Variants in CFDP1 observed in about 807,000 individuals in gnomAD.
CFDP1 encodes chromatin remodeling protein CFDP1.
A neutral mutation model predicts 40.1 loss-of-function variants in CFDP1; 31 were observed. That is an observed-to-expected ratio of 0.77 (90% CI 0.58 to 1.04). The LOEUF is 1.04. CFDP1 is among the 50% of genes least tolerant of loss of function. The pLI is 0.00. For missense variants in CFDP1, 423 were observed against 343.4 expected (o/e 1.23, Z -1.83); for synonymous variants, 167 against 120.0 (o/e 1.39, Z -2.56).
At chr16:75,353,479 G>A (rs185091997) in intron 5 of CFDP1, among the ~76,000 whole-genome samples, 2 of 152,082 alleles carry the variant, frequency 1.3e-5, no homozygotes, top group African/African-American at 2.4e-5. Context: ...AGTCATTAAT[G>A]AGGCTGGGGG....
intron 5 of CFDP1, among the ~76,000 whole-genome samples, chr16:75,315,331 CAAAAAAAAAAAA>C (rs758174791): frequency 1.6e-3 from 78 of 47,808 alleles, no homozygotes; most frequent in African/African-American, 6.1e-3. Context: ...GACCCTATCT[CAAAAAAAAAAAA>C]AAAAAAAAAA....
chr16:75,410,371 G>A (rs887761819), intron 4 of CFDP1, among the ~76,000 whole-genome samples: 1 of 152,100 alleles, frequency 6.6e-6, no homozygotes, highest in African/African-American at 2.4e-5. Context: ...CAGGGATGTG[G>A]CTCTTACCTA....
At chr16:75,318,694 G>A (rs952061488) in intron 5 of CFDP1, among the ~76,000 whole-genome samples, 3 of 151,922 alleles carry the variant, frequency 2.0e-5, no homozygotes, top group African/African-American at 4.8e-5. Context: ...GTGAGCCACT[G>A]CGCCCGGCCG....
intron 6 of CFDP1, among the ~76,000 whole-genome samples, chr16:75,303,404 T>TAAATAA (rs1567639342): frequency 0.014 from 583 of 41,468 alleles, 4 homozygotes; most frequent in African/African-American, 0.027. Flanking sequence ...TAAATAAATG[T>TAAATAA]ATGTATGTAT....
At chr16:75,346,544 C>CT (rs1479049123) in intron 5 of CFDP1, among the ~76,000 whole-genome samples, 1 of 132,150 alleles carries the variant, frequency 7.6e-6, no homozygotes, top group Non-Finnish European at 1.5e-5. Flanking sequence ...GATCATGCCA[C>CT]TGCACTCCAG....
chr16:75,385,833 T>G (rs1043348041), intron 5 of CFDP1, among the ~76,000 whole-genome samples: 1 of 152,202 alleles, frequency 6.6e-6, no homozygotes, highest in African/African-American at 2.4e-5. Flanking sequence ...CATAATCATC[T>G]TCTTAAATGA....
intron 5 of CFDP1, among the ~76,000 whole-genome samples, chr16:75,356,522 AAC>A (rs1025182868): frequency 1.8e-4 from 28 of 152,220 alleles, no homozygotes; most frequent in African/African-American, 5.8e-4. Context: ...TCACTTAAAA[AAC>A]ACAGAGTAGA....
intron 4 of CFDP1, among the ~76,000 whole-genome samples, chr16:75,403,540 G>A (rs2079073239): frequency 6.6e-6 from 1 of 152,128 alleles, no homozygotes; most frequent in Admixed American, 6.6e-5. Context: ...TACAGCAACA[G>A]TTATTTACCA....
chr16:75,386,248 T>C (rs2078896965), intron 5 of CFDP1, among the ~76,000 whole-genome samples: 1 of 152,232 alleles, frequency 6.6e-6, no homozygotes, highest in Non-Finnish European at 1.5e-5. Context: ...AAGGCTGCTA[T>C]GTGTAAATAA....
Position 75,379,344 on chromosome 16 carries a change from A to AAAG in CFDP1, c.650+15745_650+15746insCTT, listed in dbSNP as rs150284594. ...GTCTAGCAAGACTGACCAAAAAAAA[A>AAAG]AGAGAGAGAGAGAGAAGGCACAAAT... is the stretch of plus-strand genomic sequence containing the variant. On this transcript the variant is annotated intron_variant, in intron 5 of 6. Coordinates refer to ENST00000283882, the MANE Select transcript of CFDP1 (RefSeq NM_006324.3). Among the ~76,000 whole-genome samples the AAAG allele has an allele frequency of 1.7e-4, 25 of 149,220 alleles. No individual in the cohort carries two copies. The East Asian group carries it at 2.5e-3, about 15-fold the overall frequency.
At chr16:75,368,687 TC>T (rs1209077060) in intron 5 of CFDP1, among the ~76,000 whole-genome samples, 1 of 151,868 alleles carries the variant, frequency 6.6e-6, no homozygotes, top group Non-Finnish European at 1.5e-5. Context: ...ATATTTTCTT[TC>T]TTTTTTTTTT....
At chr16:75,295,906 C>T (rs909098729) in intron 6 of CFDP1, among the ~76,000 whole-genome samples, 7 of 152,128 alleles carry the variant, frequency 4.6e-5, no homozygotes, top group African/African-American at 1.7e-4. Flanking sequence ...ACTAAGAGAC[C>T]CGTGATTCTT....
At chr16:75,304,148 A>T (rs971352138) in intron 6 of CFDP1, among the ~76,000 whole-genome samples, 1 of 151,984 alleles carries the variant, frequency 6.6e-6, no homozygotes, top group Non-Finnish European at 1.5e-5. Context: ...GGCTCACTGC[A>T]ACCTCCACCT....
rs896949078 is a variant in CFDP1 at position 75,337,087 on chromosome 16, G to T, written c.651-31905C>A. Among the ~76,000 whole-genome samples, 45 of 152,190 alleles carry T rather than the reference G, an allele frequency of 3.0e-4. 1 individual carries two copies. The highest frequency in any genetic ancestry group is 2.5e-3 in the Admixed American group (38 of 15,282). On this transcript the variant is annotated intron_variant, in intron 5 of 6. Transcript: ENST00000283882. Reference sequence around the variant, plus strand: ...TGCACAAGTTTTTAAAAAAAATTATGAATGTATCATTGTTCTAAGCCTTTG... The same window carrying T: ...TGCACAAGTTTTTAAAAAAAATTATTAATGTATCATTGTTCTAAGCCTTTG...
intron 1 of CFDP1, among the ~76,000 whole-genome samples, chr16:75,425,156 T>C (rs373424778): frequency 6.6e-6 from 1 of 152,270 alleles, no homozygotes; most frequent in South Asian, 2.1e-4. Context: ...CAAAACGGTC[T>C]ACAGATTCAA....
At chr16:75,378,537 A>G (rs928049119) in intron 5 of CFDP1, among the ~76,000 whole-genome samples, 7 of 152,212 alleles carry the variant, frequency 4.6e-5, no homozygotes, top group African/African-American at 7.2e-5. Context: ...TTAATCAAAT[A>G]CTATAAATTA....
intron 5 of CFDP1, among the ~76,000 whole-genome samples, chr16:75,322,750 G>GA (rs530602480): frequency 1.0e-3 from 150 of 149,834 alleles, no homozygotes; most frequent in African/African-American, 3.6e-3. Context: ...CCACTAAGTA[G>GA]AATACAAATA....
intron 1 of CFDP1, among the ~76,000 whole-genome samples, chr16:75,428,114 A>G (rs1188205398): frequency 2.0e-5 from 3 of 148,952 alleles, no homozygotes; most frequent in Non-Finnish European, 4.4e-5. Context: ...GACTACAAAG[A>G]GTAGCAGGGG....
chr16:75,412,874 G>T, intron 2 of CFDP1, 120 bp from the exon 3 acceptor site: 14 of 662,996 alleles, frequency 2.1e-5, no homozygotes, highest in East Asian at 2.8e-5. Flanking sequence ...GGGACTACTG[G>T]TTAATATACT....
Sources: allele counts gnomAD v4.1 joint callset (sites outside exome capture counted in the v4.1 genomes callset), GRCh38; gene constraint gnomAD v4.1.1; transcripts MANE v1.5; gene names NCBI Gene and HGNC (gene_info 2026-07-23, HGNC 2026-07-21).